Variants in PDIA6 observed in about 807,000 individuals in gnomAD.
PDIA6 encodes the protein protein disulfide isomerase family A member 6.
In PDIA6, 29 loss-of-function variants were observed where a neutral mutation model predicts 58.4. The ratio of observed to expected loss-of-function variants is 0.50; its 90% confidence interval spans 0.37 to 0.68. The LOEUF is 0.68. PDIA6 is among the 30% of genes least tolerant of loss of function. The pLI, the probability that PDIA6 is intolerant of heterozygous loss-of-function variation, is 0.00. For missense variants in PDIA6, 480 were observed against 551.0 expected (o/e 0.87, Z 1.29); for synonymous variants, 192 against 202.6 (o/e 0.95, Z 0.44).
chr2:10,793,147 G>A lies in PDIA6; in HGVS notation c.402C>T (p.Leu134=), dbSNP rs759436765. ...TCCGTCCCCCGAGGCGATCCTTCAC[G>A]AGCTGGCGCAGAGCACTCAGCGCAG... The part of the protein sequence containing the change: ...VDAALSALRQ[L]VKDRLGGRSG... The change falls in exon 5 of 13, where the codon CTC becomes CTT. Residue 134 remains leucine, a synonymous_variant. Coordinates refer to ENST00000272227, the MANE Select transcript of PDIA6 (RefSeq NM_005742.4). 65 of 1,613,900 alleles carry A rather than the reference G, an allele frequency of 4.0e-5. No homozygotes were observed. In the South Asian group the frequency reaches 5.6e-4, roughly 14 times the overall value.
Position 10,797,153 on chromosome 2 carries a change from G to C in PDIA6, c.274C>G (p.Gln92Glu), listed in dbSNP as rs1303540367. The C allele has an allele frequency of 6.2e-7, 1 of 1,611,420 alleles. No individual in the cohort carries two copies. Among genetic ancestry groups the C allele is most frequent in the South Asian group, 1.1e-5 (1 of 91,006 alleles). Residue 92 changes from glutamine to glutamate, a missense_variant, in exon 4 of 13, where the codon CAG (glutamine) becomes GAG (glutamate). Transcript: ENST00000272227. Reference protein sequence around the residue: ...DADKHHSLGGQYGVQGFPTIK... With the variant: ...DADKHHSLGGEYGVQGFPTIK... Reference sequence around the variant, plus strand: ...GTAGGAAATCCCTGAACACCATACTGACCTCCTAGGGAATGATGCTTATCT... The same window carrying C: ...GTAGGAAATCCCTGAACACCATACTCACCTCCTAGGGAATGATGCTTATCT...
intron 8 of PDIA6, 87 bp downstream of exon 8, chr2:10,789,661 TA>T: frequency 8.3e-7 from 1 of 1,205,922 alleles, no homozygotes; most frequent in Non-Finnish European, 1.2e-6. Flanking sequence ...TTTAAGGGCA[TA>T]AAATGAACAG....
chr2:10,810,143 T>G, intron 1 of PDIA6: 1 of 693,000 alleles, frequency 1.4e-6, no homozygotes, highest in Non-Finnish European at 2.6e-6. Context: ...TTTCTAAACA[T>G]TTTGCATATA....
At chr2:10,796,827 C>T (rs1258768339) in intron 4 of PDIA6, among the ~76,000 whole-genome samples, 2 of 152,162 alleles carry the variant, frequency 1.3e-5, no homozygotes, top group Non-Finnish European at 2.9e-5. Context: ...AACAGGGTAG[C>T]ACAGAACACT....
chr2:10,826,891 G>A (rs555470014), intron 1 of PDIA6, among the ~76,000 whole-genome samples: 146 of 152,170 alleles, frequency 9.6e-4, no homozygotes, highest in African/African-American at 3.3e-3. Context: ...GCTGGTTCCT[G>A]CCTTCGGGCC....
At chr2:10,818,653 T>C (rs927510120) in intron 2 of PDIA6, among the ~76,000 whole-genome samples, 2 of 151,970 alleles carry the variant, frequency 1.3e-5, no homozygotes, top group African/African-American at 4.8e-5. Flanking sequence ...CTTGAGTAGC[T>C]GGGATTACAG....
intron 1 of PDIA6, chr2:10,821,265 G>A (rs1034068200): frequency 6.0e-6 from 1 of 167,968 alleles, no homozygotes; most frequent in Non-Finnish European, 1.3e-5. Context: ...CCGTTGCACA[G>A]TAAGCCAGTG....
rs563500779 is a variant in PDIA6 at position 10,797,638 on chromosome 2, C to T, written c.219+62G>A. ...TTAAACATACACAGGTGAATATGGA[C>T]ATCTTAGAAACTTACTGTAAAAAAA... On this transcript the variant is annotated intron_variant, in intron 3 of 12. Coordinates refer to ENST00000272227, the MANE Select transcript of PDIA6 (RefSeq NM_005742.4). 136 of 1,113,702 alleles carry T rather than the reference C, an allele frequency of 1.2e-4. No homozygotes were observed. The South Asian group carries it at 1.6e-3, about 13-fold the overall frequency. The allele number at this position is 1,113,702 out of a possible 1,614,324, so 69.0% of individuals were successfully genotyped here. A position where few individuals can be genotyped will look rare whatever the true frequency, so the allele number is the denominator to read the frequency against.
At position 10,818,494 on chromosome 2, in the gene PDIA6, A is replaced by C. The variant is rs1326722421; in HGVS notation, c.34+780T>G. Among the ~76,000 whole-genome samples the C allele has an allele frequency of 7.9e-3, 935 of 117,694 alleles. 19 individuals are homozygous for C. Among genetic ancestry groups the C allele is most frequent in the African/African-American group, 0.028 (899 of 32,056 alleles). 77.2% of individuals were successfully genotyped at this position (117,694 alleles called of 152,430 possible). A position where few individuals can be genotyped will look rare whatever the true frequency, so the allele number is the denominator to read the frequency against. Reference sequence around the variant, plus strand: ...CTTTAACCATTTAATTTATTTATTTATTTATTTATTTATTTATTTATTTAT... The same window carrying C: ...CTTTAACCATTTAATTTATTTATTTCTTTATTTATTTATTTATTTATTTAT... On this transcript the variant is annotated intron_variant, in intron 2 of 13. Coordinates refer to the PDIA6 transcript ENST00000381611.
At chr2:10,819,250 A>G in intron 2 of PDIA6, 1 of 1,407,976 alleles carries the variant, frequency 7.1e-7, no homozygotes, top group Non-Finnish European at 9.8e-7. Context: ...GGAGGCTCCT[A>G]CTCTGGGAGT....
upstream of PDIA6, chr2:10,812,892 T>C (rs1295193052): frequency 1.8e-6 from 2 of 1,130,338 alleles, no homozygotes; most frequent in Non-Finnish European, 2.2e-6. Flanking sequence ...CATCGCTCAC[T>C]CACATATCCA....
At chr2:10,819,433 C>T in intron 1 of PDIA6, 1 of 848,354 alleles carries the variant, frequency 1.2e-6, no homozygotes, top group Non-Finnish European at 1.9e-6. Flanking sequence ...ATGCCAGGCT[C>T]CACGTATTTA....
At chr2:10,791,195 G>A (rs1369046105) in intron 6 of PDIA6, among the ~76,000 whole-genome samples, 2 of 151,448 alleles carry the variant, frequency 1.3e-5, no homozygotes, top group Non-Finnish European at 2.9e-5. Context: ...CCAGGATGGA[G>A]CGCAGTGGTG....
At chr2:10,812,599 G>T in intron 1 of PDIA6, 79 bp downstream of exon 1, 2 of 1,368,558 alleles carry the variant, frequency 1.5e-6, no homozygotes, top group Non-Finnish European at 1.9e-6. Flanking sequence ...GCCGCGGCCC[G>T]CCGGGGAACG....
At chr2:10,797,817 T>C (rs940111942) in intron 2 of PDIA6, 60 bp from the exon 3 acceptor site, 1 of 1,355,620 alleles carries the variant, frequency 7.4e-7, no homozygotes, top group Admixed American at 2.1e-5. Context: ...ATTCAAAAAA[T>C]TCAAAAATTC....
chr2:10,809,448 G>A (rs924303716), intron 1 of PDIA6, among the ~76,000 whole-genome samples: 3 of 151,928 alleles, frequency 2.0e-5, no homozygotes, highest in African/African-American at 7.3e-5. Flanking sequence ...AGGATGAGGC[G>A]GGTGGATAAC....
upstream of PDIA6, among the ~76,000 whole-genome samples, chr2:10,837,087 G>A (rs905589232): frequency 6.6e-6 from 1 of 152,214 alleles, no homozygotes; most frequent in Non-Finnish European, 1.5e-5. Context: ...GCTTGATGCT[G>A]GGAGGAGAAG....
upstream of PDIA6, among the ~76,000 whole-genome samples, chr2:10,816,070 C>CAT (rs60134406): frequency 0.14 from 16,863 of 121,760 alleles, 1,305 homozygotes; most frequent in African/African-American, 0.22. Flanking sequence ...TAAGAGAAAT[C>CAT]ATTTGTCTTT....
exon 2 of PDIA6, chr2:10,819,315 C>A (rs1438352081): frequency 6.5e-7 from 1 of 1,539,688 alleles, no homozygotes; most frequent in Non-Finnish European, 8.8e-7. Context: ...CATTATGGGA[C>A]TTTTCCTTGA....
Sources: gnomAD v4.1 joint callset for allele counts (sites outside exome capture counted in the v4.1 genomes callset) on GRCh38, gnomAD v4.1.1 for gene constraint, MANE v1.5 for transcripts, NCBI Gene and HGNC (gene_info 2026-07-23, HGNC 2026-07-21) for gene names.